The following DZANK1 variants were observed in gnomAD, a reference collection of about 807,000 sequenced individuals.
DZANK1 encodes double zinc ribbon and ankyrin repeat domains 1, also known as double zinc ribbon and ankyrin repeat-containing protein 1.
Under a neutral mutation model 94.5 loss-of-function variants are expected in DZANK1, and 91 were observed. The observed-to-expected ratio is 0.96, with a 90% CI of 0.81 to 1.15. The LOEUF is 1.15. Among genes scored for constraint, DZANK1 ranks in the 50% most tolerant of loss-of-function variants. The pLI is 0.00. For missense variants in DZANK1, 903 were observed against 916.4 expected, an observed-to-expected ratio of 0.99 and a Z score of 0.19; for synonymous variants, 312 against 325.3, an observed-to-expected ratio of 0.96 and a Z score of 0.44.
intron 6 of DZANK1, chr20:18,452,071 GTTTTT>G (rs11470327): frequency 2.7e-5 from 8 of 300,750 alleles, no homozygotes; most frequent in Non-Finnish European, 3.9e-5. Context: ...TTTAGGGGTG[GTTTTT>G]TTTTTTTTTT....
At chr20:18,386,278 C>T (rs569716792) in intron 19 of DZANK1, among the ~76,000 whole-genome samples, 27 of 152,188 alleles carry the variant, frequency 1.8e-4, no homozygotes, top group Non-Finnish European at 3.1e-4. Flanking sequence ...ACCCAGAAAG[C>T]CTCCTGGTTG....
chr20:18,463,373 CTGAAAACCTACAGCAA>C (rs2148826436), intron 2 of DZANK1, among the ~76,000 whole-genome samples: 1 of 152,158 alleles, frequency 6.6e-6, no homozygotes, highest in East Asian at 1.9e-4. Context: ...GTGGGGAGGG[CTGAAAACCTACAGCAA>C]TGCTTGCTAC....
At position 18,455,367 on chromosome 20, in the gene DZANK1, AATT is replaced by A. The variant is rs747594872; in HGVS notation, c.264-9_264-7del. The A allele has an allele frequency of 6.4e-6, 10 of 1,571,856 alleles. No homozygotes were observed. The highest frequency in any genetic ancestry group is 8.7e-6 in the Non-Finnish European group (10 of 1,155,740). On this transcript the variant is annotated splice_polypyrimidine_tract_variant and splice_region_variant and intron_variant, in intron 3 of 20. Transcript: ENST00000262547. ...TGCCACTCTGTCTGCAGTCTCTGAAAATTATTATTAAGAAAGGAAAAAGTCTGT... is the reference window on the plus strand; with the variant it reads ...TGCCACTCTGTCTGCAGTCTCTGAAAATTATTAAGAAAGGAAAAAGTCTGT...
intron 9 of DZANK1, among the ~76,000 whole-genome samples, chr20:18,427,608 T>G (rs35117976): frequency 0.012 from 541 of 44,566 alleles, 5 homozygotes; most frequent in African/African-American, 0.06. Context: ...TAAGGTTGGG[T>G]GTGTGTGTGT....
intron 13 of DZANK1, among the ~76,000 whole-genome samples, chr20:18,407,643 A>C (rs540232619): frequency 6.6e-6 from 1 of 152,378 alleles, no homozygotes; most frequent in East Asian, 1.9e-4. Flanking sequence ...AGTTCAAAAT[A>C]GCTGTTTTAA....
chr20:18,427,454 C>T (rs1037440277), intron 9 of DZANK1, among the ~76,000 whole-genome samples: 4 of 151,988 alleles, frequency 2.6e-5, no homozygotes, highest in African/African-American at 9.7e-5. Context: ...CCCTAAAGTG[C>T]TGGAATTATA....
intron 6 of DZANK1, 95 bp downstream of exon 6, chr20:18,452,520 C>G (rs2059138959): frequency 2.1e-6 from 3 of 1,401,810 alleles, no homozygotes; most frequent in Non-Finnish European, 2.9e-6. Flanking sequence ...GGCACATGGT[C>G]AAAAGTGGGG....
intron 3 of DZANK1, among the ~76,000 whole-genome samples, chr20:18,456,817 G>A (rs2059309676): frequency 6.6e-6 from 1 of 152,036 alleles, no homozygotes; most frequent in African/African-American, 2.4e-5. Context: ...CCAGCTGATG[G>A]TCATTTGGAT....
At chr20:18,447,688 G>A (rs2058930020) in intron 7 of DZANK1, among the ~76,000 whole-genome samples, 1 of 152,016 alleles carries the variant, frequency 6.6e-6, no homozygotes, top group Non-Finnish European at 1.5e-5. Flanking sequence ...GAAGATGCAT[G>A]GATGGAAATA....
intron 15 of DZANK1, among the ~76,000 whole-genome samples, chr20:18,395,048 T>C (rs1486266143): frequency 6.6e-6 from 1 of 152,164 alleles, no homozygotes; most frequent in Non-Finnish European, 1.5e-5. Context: ...CACTAGAACA[T>C]GCAGGCTAAC....
At chr20:18,455,348 T>C (rs1256428700) in exon 4 of DZANK1, 1 of 1,602,940 alleles carries the variant, frequency 6.2e-7, no homozygotes, top group Non-Finnish European at 8.5e-7. Context: ...ACAATGCCAC[T>C]CTGTCTGCAG....
chr20:18,393,608 C>T (rs1377347369), intron 17 of DZANK1, 103 bp downstream of exon 17: 1 of 744,180 alleles, frequency 1.3e-6, no homozygotes, highest in Non-Finnish European at 2.2e-6. Context: ...AAAAAAGGAA[C>T]AGAAAATGAG....
intron 13 of DZANK1, among the ~76,000 whole-genome samples, chr20:18,411,335 A>G (rs949634867): frequency 1.3e-5 from 2 of 152,216 alleles, no homozygotes; most frequent in African/African-American, 2.4e-5. Context: ...TATTGAAATA[A>G]AAAAGATTAT....
Position 18,427,342 on chromosome 20 carries a change from T to A in DZANK1, c.862-183A>T, listed in dbSNP as rs975460303. ...TCAGACAAATATCTGTAGGTTTTTT[T>A]GGGTTTTTTTTTTTCCATTTGTTTT... On this transcript the variant is annotated intron_variant, in intron 9 of 20. Transcript: ENST00000262547. Among the ~76,000 whole-genome samples the A allele has an allele frequency of 2.0e-5, 3 of 151,996 alleles. No homozygotes were observed. The East Asian group carries it at 5.8e-4, about 29-fold the overall frequency.
intron 9 of DZANK1, chr20:18,428,487 G>GT (rs2035395286): frequency 6.6e-6 from 1 of 152,300 alleles, no homozygotes; most frequent in African/African-American, 2.4e-5. Context: ...GTGCCCGGCC[G>GT]TAAGTACAAC....
intron 7 of DZANK1, among the ~76,000 whole-genome samples, chr20:18,448,781 C>G (rs567014976): frequency 1.3e-5 from 2 of 150,682 alleles, no homozygotes; most frequent in African/African-American, 4.9e-5. Flanking sequence ...GCAGGAGAAT[C>G]GCTTGAACCC....
intron 13 of DZANK1, among the ~76,000 whole-genome samples, chr20:18,405,379 A>G (rs1600801216): frequency 6.6e-6 from 1 of 152,224 alleles, no homozygotes; most frequent in African/African-American, 2.4e-5. Flanking sequence ...AGCAAACTGA[A>G]AAATAGGTCA....
intron 10 of DZANK1, among the ~76,000 whole-genome samples, chr20:18,415,699 C>T (rs1372453950): frequency 6.6e-6 from 1 of 152,166 alleles, no homozygotes; most frequent in African/African-American, 2.4e-5. Context: ...GTACCTTGCA[C>T]ATCTTAATAT....
chr20:18,419,752 C>T (rs1037734297), intron 10 of DZANK1, among the ~76,000 whole-genome samples: 1 of 152,096 alleles, frequency 6.6e-6, no homozygotes, highest in Admixed American at 6.5e-5. Context: ...AGAGAAATCA[C>T]TGCCAGCAGA....
Sources: gnomAD v4.1 joint callset for allele counts (sites outside exome capture counted in the v4.1 genomes callset) on GRCh38, gnomAD v4.1.1 for gene constraint, MANE v1.5 for transcripts, NCBI Gene and HGNC (gene_info 2026-07-23, HGNC 2026-07-21) for gene names.